CEP44: variants seen among roughly 807,000 people sequenced by gnomAD.
CEP44 encodes centrosomal protein 44.
CEP44 carries 45 observed loss-of-function variants against 46.7 expected under a neutral mutation model. The ratio of observed to expected loss-of-function variants is 0.96; its 90% CI spans 0.76 to 1.24. CEP44 has a LOEUF of 1.24. Ranked by LOEUF, CEP44 falls within the 50% of genes most tolerant of loss-of-function variation. The probability of loss-of-function intolerance (pLI) is 0.00; values close to 1 mark genes in which losing one functional copy is unlikely to be tolerated. For missense variants in CEP44, 475 were observed against 459.7 expected (o/e 1.03, Z -0.30); for synonymous variants, 142 against 146.0 (o/e 0.97, Z 0.20).
At chr4:174,304,756 T>C (rs1367996246) in intron 6 of CEP44, among the ~76,000 whole-genome samples, 1 of 152,240 alleles carries the variant, frequency 6.6e-6, no homozygotes, top group Non-Finnish European at 1.5e-5. Context: ...GATTCATTTA[T>C]GTACATTATA....
At position 174,319,322 on chromosome 4, in the gene CEP44, T is replaced by A; in HGVS notation, c.*1939T>A. The A allele has an allele frequency of 1.0e-6, 1 of 982,500 alleles. No individual in the cohort carries two copies. Among genetic ancestry groups the A allele is most frequent in the Non-Finnish European group, 1.2e-6 (1 of 827,268 alleles). 60.9% of individuals were successfully genotyped at this position (982,500 alleles called of 1,614,324 possible). A position where few individuals can be genotyped will look rare whatever the true frequency, so the allele number is the denominator to read the frequency against. ...ATAAGGGAAAAAACTTCTGTATCGA[T>A]TAACTCCTAAAATATCAGTACCAGC... On this transcript the variant is annotated 3_prime_UTR_variant, in exon 12 of 12. Transcript: ENST00000503780.
At chr4:174,317,267 A>C in intron 11 of CEP44, 68 bp from the exon 12 acceptor site, 2 of 643,224 alleles carry the variant, frequency 3.1e-6, no homozygotes, top group Non-Finnish European at 4.7e-6. Context: ...GCATAATTTC[A>C]ACAACTAAAA....
intron 1 of CEP44, among the ~76,000 whole-genome samples, chr4:174,284,622 C>T (rs528465403): frequency 1.1e-3 from 163 of 152,092 alleles, no homozygotes; most frequent in Non-Finnish European, 2.1e-3. Context: ...GTTTTTTTCC[C>T]GAATTATCTG....
rs1741439517 is a variant in CEP44 at position 174,314,554 on chromosome 4, A to C, written c.962-1612A>C. ...ACTCTTGAATAAGGTTAGACACCGC[A>C]AAGTCTGGACCCCAAAATGGAAGAC... On this transcript the variant is annotated intron_variant, in intron 9 of 11. Transcript: ENST00000503780. The surrounding 1 kb of genome is among the most constrained non-coding windows in gnomAD (Gnocchi z 4.1). 6.6e-6 allele frequency among the ~76,000 whole-genome samples: 1 copy of C among 152,162 alleles called. No individual in the cohort carries two copies. Among genetic ancestry groups the C allele is most frequent in the Admixed American group, 6.5e-5 (1 of 15,286 alleles).
At chr4:174,316,047 A>G (rs776954503) in intron 9 of CEP44, 119 bp from the exon 10 acceptor site, 10 of 1,238,042 alleles carry the variant, frequency 8.1e-6, no homozygotes, top group Non-Finnish European at 1.1e-5. Flanking sequence ...TCTTTGATCT[A>G]TGCGGATAGC....
In CEP44 at chr4:174,314,783, T is replaced by C. The variant is rs565581814; in HGVS notation, c.962-1383T>C. Among the ~76,000 whole-genome samples the C allele has an allele frequency of 3.3e-5, 5 of 152,338 alleles. No homozygotes were observed. In the East Asian group the frequency reaches 7.7e-4, roughly 23 times the overall value. ...CTTAAAATAACCTCTTGTCCATAGC[T>C]CCTACTAAAAGATCTGGGTTTAGGT... On this transcript the variant is annotated intron_variant, in intron 9 of 11. Coordinates refer to ENST00000503780, the MANE Select transcript of CEP44 (RefSeq NM_001040157.3). The surrounding 1 kb of genome is among the most constrained non-coding windows in gnomAD (Gnocchi z 4.1).
intron 6 of CEP44, among the ~76,000 whole-genome samples, chr4:174,307,541 C>T (rs1315891092): frequency 6.6e-6 from 1 of 152,206 alleles, no homozygotes; most frequent in African/African-American, 2.4e-5. Context: ...CCATTCAGGA[C>T]ATAGGTGTCG....
At position 174,316,193 on chromosome 4, in the gene CEP44, C is replaced by T; in HGVS notation, c.989C>T (p.Ala330Val). The part of the protein sequence containing the change: ...PHRKSEVERP[A>V]SIPLSSGYST... Reference sequence around the variant, plus strand: ...AGAAAAAGCGAAGTAGAGAGGCCAGCAAGTATTCCTCTGTCCTCTGGCTAT... The same window carrying T: ...AGAAAAAGCGAAGTAGAGAGGCCAGTAAGTATTCCTCTGTCCTCTGGCTAT... The change falls in exon 10 of 12, where the codon GCA becomes GTA. Residue 330 changes from alanine to valine, a missense_variant. Ala to Val is a moderately conservative substitution (Grantham distance 64). Coordinates refer to ENST00000503780, the MANE Select transcript of CEP44 (RefSeq NM_001040157.3). 3 of 1,613,694 alleles carry T rather than the reference C, an allele frequency of 1.9e-6. No individual in the cohort carries two copies. The highest frequency in any genetic ancestry group is 2.5e-6 in the Non-Finnish European group (3 of 1,179,886).
rs1409990409 is a variant in CEP44 at position 174,329,446 on chromosome 4, T to C, written c.1087-2036T>C. Among the ~76,000 whole-genome samples, 2 of 152,030 alleles carry C rather than the reference T, an allele frequency of 1.3e-5. No individual in the cohort carries two copies. Among genetic ancestry groups the C allele is most frequent in the Non-Finnish European group, 2.9e-5 (2 of 67,884 alleles). On this transcript the variant is annotated intron_variant, in intron 8 of 8. Transcript: ENST00000426172. This position sits in a 1 kb window ranked among gnomAD's most constrained non-coding sequence, Gnocchi z 4.0. ...ACAGTTTTAAGTTGGTTTTACATTG[T>C]AAATGTTAAGGAAACGTGTTTAAAT...
At chr4:174,293,328 A>T (rs1327903724) in intron 1 of CEP44, among the ~76,000 whole-genome samples, 12 of 152,168 alleles carry the variant, frequency 7.9e-5, no homozygotes, top group Non-Finnish European at 1.5e-5. Context: ...GGCTTCTATC[A>T]GTCTTGGACT....
At position 174,314,792 on chromosome 4, in the gene CEP44, A is replaced by G. The variant is rs1363361565; in HGVS notation, c.962-1374A>G. Among the ~76,000 whole-genome samples, 1 of 152,182 alleles carries G rather than the reference A, an allele frequency of 6.6e-6. No homozygotes were observed. Among genetic ancestry groups the G allele is most frequent in the Non-Finnish European group, 1.5e-5 (1 of 68,038 alleles). Reference sequence around the variant, plus strand: ...ACCTCTTGTCCATAGCTCCTACTAAAAGATCTGGGTTTAGGTAGTCTTCAG... The same window carrying G: ...ACCTCTTGTCCATAGCTCCTACTAAGAGATCTGGGTTTAGGTAGTCTTCAG... On this transcript the variant is annotated intron_variant, in intron 9 of 11. Coordinates refer to ENST00000503780, the MANE Select transcript of CEP44 (RefSeq NM_001040157.3). This position sits in a 1 kb window ranked among gnomAD's most constrained non-coding sequence, Gnocchi z 4.1.
At position 174,287,850 on chromosome 4, in the gene CEP44, G is replaced by C. The variant is rs1384820692; in HGVS notation, c.-148+3907G>C. On this transcript the variant is annotated intron_variant, in intron 1 of 11. Transcript: ENST00000503780. This position sits in a 1 kb window ranked among gnomAD's most constrained non-coding sequence, Gnocchi z 5.1. ...TAAGAAAGAAAATGAATTAGGTAGA[G>C]CTAGTAATACCAGGTATAGACAAGA... Among the ~76,000 whole-genome samples, 1 of 152,180 alleles carries C rather than the reference G, an allele frequency of 6.6e-6. No individual in the cohort carries two copies. The highest frequency in any genetic ancestry group is 1.5e-5 in the Non-Finnish European group (1 of 68,032).
Position 174,317,501 on chromosome 4 carries a change from C to A in CEP44, c.*118C>A. 1 of 1,220,476 alleles carries A rather than the reference C, an allele frequency of 8.2e-7. No individual in the cohort carries two copies. Among genetic ancestry groups the A allele is most frequent in the Non-Finnish European group, 1.0e-6 (1 of 964,652 alleles). 75.6% of individuals were successfully genotyped at this position (1,220,476 alleles called of 1,614,324 possible). A position where few individuals can be genotyped will look rare whatever the true frequency, so the allele number is the denominator to read the frequency against. On this transcript the variant is annotated 3_prime_UTR_variant, in exon 12 of 12. Coordinates refer to ENST00000503780, the MANE Select transcript of CEP44 (RefSeq NM_001040157.3). The stretch of plus-strand genomic sequence containing the variant: ...CTGCAGTTTTTGACAATTTGGATTC[C>A]ATTTGGTATATGAATTTTTGCATTC...
chr4:174,327,203 AGAG>A (rs1161946984), intron 8 of CEP44, among the ~76,000 whole-genome samples: 6 of 150,280 alleles, frequency 4.0e-5, no homozygotes, highest in Admixed American at 2.7e-4. Context: ...AGAGAGAGAG[AGAG>A]AAAAAACAGA....
rs766198712 is a variant in CEP44, at chr4:174,309,857, A to C, written c.686A>C (p.Asn229Thr). ...TCTCTCTAACCTTTTTAGGATGTAAATGTTAATCCTGAGATTACTGCACTA... is the reference window on the plus strand; with the variant it reads ...TCTCTCTAACCTTTTTAGGATGTAACTGTTAATCCTGAGATTACTGCACTA... ...PEIKAEQQDV[N>T]VNPEITALQT... The change falls in exon 8 of 12, where the codon AAT (asparagine) becomes ACT (threonine). Residue 229 changes from asparagine to threonine, a missense_variant. By Grantham distance (65) the Asn-to-Thr change is moderately conservative. Transcript: ENST00000503780. The surrounding 1 kb of genome is among the most constrained non-coding windows in gnomAD (Gnocchi z 5.3). 6.3e-7 allele frequency: 1 copy of C among 1,598,340 alleles called. No homozygotes were observed. Among genetic ancestry groups the C allele is most frequent in the South Asian group, 1.1e-5 (1 of 90,234 alleles).
chr4:174,309,411 C>G lies in CEP44; in HGVS notation c.679-439C>G, dbSNP rs141924968. Among the ~76,000 whole-genome samples the G allele has an allele frequency of 7.4e-4, 113 of 152,120 alleles. No individual in the cohort carries two copies. Among genetic ancestry groups the G allele is most frequent in the African/African-American group, 2.6e-3 (110 of 41,528 alleles). On this transcript the variant is annotated intron_variant, in intron 7 of 11. Transcript: ENST00000503780. This position sits in a 1 kb window ranked among gnomAD's most constrained non-coding sequence, Gnocchi z 5.3. ...TATATCAATATACAGTTGGCACTTACAAAAACTACCAGATGGCCATTGGAC... is the reference window on the plus strand; with the variant it reads ...TATATCAATATACAGTTGGCACTTAGAAAAACTACCAGATGGCCATTGGAC...
downstream of CEP44, among the ~76,000 whole-genome samples, chr4:174,321,009 A>G (rs1192876189): frequency 6.6e-6 from 1 of 152,050 alleles, no homozygotes; most frequent in Non-Finnish European, 1.5e-5. Context: ...ACTATCTTCA[A>G]TCTAGTATCT....
chr4:174,316,391 T>C, intron 10 of CEP44, 101 bp downstream of exon 10: 1 of 1,389,904 alleles, frequency 7.2e-7, no homozygotes, highest in Non-Finnish European at 1.0e-6. Flanking sequence ...CAAACGCGAA[T>C]CTTAGTCTCT....
At chr4:174,298,965 G>T (rs1421366979) in intron 2 of CEP44, 107 bp from the exon 3 acceptor site, 1 of 569,770 alleles carries the variant, frequency 1.8e-6, no homozygotes, top group Non-Finnish European at 3.1e-6. Flanking sequence ...AAAGAGCTAG[G>T]GTAAGATAAA....
Sources: gnomAD v4.1 joint callset for allele counts (sites outside exome capture counted in the v4.1 genomes callset) on GRCh38, gnomAD v4.1.1 for gene constraint, Gnocchi (gnomAD v3.1) non-coding constraint, MANE v1.5 for transcripts, NCBI Gene and HGNC (gene_info 2026-07-23, HGNC 2026-07-21) for gene names.